The following RPS6KC1 variants were observed in gnomAD, a reference collection of about 807,000 sequenced individuals.
RPS6KC1 encodes the protein inactive ribosomal protein S6 kinase delta-1.
Under a neutral mutation model 103.8 loss-of-function variants are expected in RPS6KC1, and 54 were observed. The ratio of observed to expected loss-of-function variants is 0.52; its 90% CI spans 0.42 to 0.65. RPS6KC1 has a LOEUF of 0.65. Among genes scored for constraint, RPS6KC1 ranks in the 30% least tolerant of loss-of-function variants. RPS6KC1 has a pLI of 0.00. For missense variants in RPS6KC1, 1,151 were observed against 1,253.8 expected (o/e 0.92, Z 1.24); for synonymous variants, 439 against 438.7 (o/e 1.00, Z -0.01).
At chr1:213,732,360 C>CGT in the RPS6KC1 span, among the ~76,000 whole-genome samples, 4,961 of 150,844 alleles carry the variant, frequency 0.033, 166 homozygotes, top group East Asian at 0.08. Context: ...TGTGCGTGTG[C>CGT]GTGTGTGTGT....
chr1:213,310,191 C>G, the RPS6KC1 span, among the ~76,000 whole-genome samples: 11 of 152,344 alleles, frequency 7.2e-5, no homozygotes, highest in South Asian at 2.1e-4. Context: ...GTTGTCCACA[C>G]AGCAGTCATA....
chr1:213,121,578 T>C (rs115305168), intron 5 of RPS6KC1, among the ~76,000 whole-genome samples: 2,253 of 152,312 alleles, frequency 0.015, 51 homozygotes, highest in African/African-American at 0.047. Context: ...AGGACATTTG[T>C]AGAAACCTGC....
At position 213,204,160 on chromosome 1, in the gene RPS6KC1, C is replaced by T. The variant is rs150410456; in HGVS notation, c.1045-26337C>T. On this transcript the variant is annotated intron_variant, in intron 8 of 14. Coordinates refer to ENST00000366960, the MANE Select transcript of RPS6KC1 (RefSeq NM_012424.6). ...AGCTCTTGTAGAGCACAGACCCTATCTGCTGTGTTCATGGTTTTTCTTTAT... is the reference window on the plus strand; with the variant it reads ...AGCTCTTGTAGAGCACAGACCCTATTTGCTGTGTTCATGGTTTTTCTTTAT... 8.1e-3 allele frequency among the ~76,000 whole-genome samples: 1,234 copies of T among 152,302 alleles called. 13 individuals carry two copies. The highest frequency in any genetic ancestry group is 0.013 in the Non-Finnish European group (851 of 68,016).
the RPS6KC1 span, among the ~76,000 whole-genome samples, chr1:213,298,879 C>T: frequency 6.6e-6 from 1 of 152,266 alleles, no homozygotes; most frequent in East Asian, 1.9e-4. Flanking sequence ...ACAAATTTCT[C>T]CCCTCCCCTT....
intron 6 of RPS6KC1, among the ~76,000 whole-genome samples, chr1:213,162,114 C>T (rs577889530): frequency 5.6e-4 from 85 of 152,036 alleles, no homozygotes; most frequent in African/African-American, 2.0e-3. Context: ...CTTTCTTTTT[C>T]GTTTGGTGTC....
chr1:213,110,436 G>T (rs533647695), intron 4 of RPS6KC1, among the ~76,000 whole-genome samples: 2 of 152,240 alleles, frequency 1.3e-5, no homozygotes, highest in South Asian at 4.1e-4. Flanking sequence ...TAGTAAATCT[G>T]TGGAGTCCAT....
chr1:213,806,260 A>G, the RPS6KC1 span, among the ~76,000 whole-genome samples: 5 of 152,200 alleles, frequency 3.3e-5, no homozygotes, highest in Admixed American at 2.0e-4. Context: ...TGAACCTGGG[A>G]GGCAGAGCTT....
intron 12 of RPS6KC1, among the ~76,000 whole-genome samples, chr1:213,249,766 G>A (rs1168637035): frequency 6.6e-6 from 1 of 152,164 alleles, no homozygotes; most frequent in Admixed American, 6.5e-5. Flanking sequence ...ATTATAATCG[G>A]TCAACCAGAA....
intron 12 of RPS6KC1, among the ~76,000 whole-genome samples, chr1:213,253,302 A>C (rs1218198964): frequency 2.6e-5 from 4 of 152,140 alleles, no homozygotes; most frequent in Non-Finnish European, 5.9e-5. Flanking sequence ...TAGTGGAAAA[A>C]CCAGGGAACT....
chr1:213,832,229 G>A, the RPS6KC1 span, among the ~76,000 whole-genome samples: 1 of 152,116 alleles, frequency 6.6e-6, no homozygotes, highest in Non-Finnish European at 1.5e-5. Context: ...CTTAACCTTA[G>A]GGGGAAGAAG....
chr1:213,757,866 A>G, the RPS6KC1 span, among the ~76,000 whole-genome samples: 1 of 152,152 alleles, frequency 6.6e-6, no homozygotes, highest in East Asian at 1.9e-4. Context: ...CATTCTGAAA[A>G]TCATAGGGCC....
At chr1:213,595,682 G>A in the RPS6KC1 span, among the ~76,000 whole-genome samples, 2 of 152,222 alleles carry the variant, frequency 1.3e-5, no homozygotes, top group Non-Finnish European at 2.9e-5. Context: ...CAGCAGCTCT[G>A]CTAACTTTTT....
the RPS6KC1 span, chr1:213,835,886 G>C: frequency 6.6e-6 from 1 of 152,092 alleles, no homozygotes; most frequent in African/African-American, 2.4e-5. Context: ...GTGTGGGTGT[G>C]TGTGTCTTCA....
chr1:213,787,051 C>A, the RPS6KC1 span, among the ~76,000 whole-genome samples: 1 of 152,184 alleles, frequency 6.6e-6, no homozygotes, highest in Non-Finnish European at 1.5e-5. Flanking sequence ...AAGAGATAAA[C>A]TGACAACGGC....
chr1:213,282,001 C>G, the RPS6KC1 span, among the ~76,000 whole-genome samples: 1 of 152,182 alleles, frequency 6.6e-6, no homozygotes, highest in Non-Finnish European at 1.5e-5. Context: ...CCTTTGTCTC[C>G]TTCCGTAGCT....
chr1:213,602,134 CTTTCTT>C, the RPS6KC1 span, among the ~76,000 whole-genome samples: 1 of 53,744 alleles, frequency 1.9e-5, no homozygotes, highest in African/African-American at 8.1e-5. Context: ...TTCTTTCTTT[CTTTCTT>C]TCTTTCTTTC....
chr1:213,201,234 A>G (rs1023477652), intron 8 of RPS6KC1, among the ~76,000 whole-genome samples: 3 of 152,246 alleles, frequency 2.0e-5, no homozygotes, highest in Non-Finnish European at 4.4e-5. Context: ...TGAATGGGTA[A>G]ATCAACTGTG....
chr1:213,383,544 A>G, the RPS6KC1 span, among the ~76,000 whole-genome samples: 1 of 152,164 alleles, frequency 6.6e-6, no homozygotes, highest in East Asian at 1.9e-4. Context: ...ATTAATTGGG[A>G]GGTATTATGG....
chr1:213,205,319 A>G, intron 8 of RPS6KC1: 1 of 984,876 alleles, frequency 1.0e-6, no homozygotes, highest in Non-Finnish European at 1.2e-6. Context: ...ACAGCAAGCT[A>G]GATAAAGATA....
Sources: gnomAD v4.1 joint callset for allele counts (sites outside exome capture counted in the v4.1 genomes callset) on GRCh38, gnomAD v4.1.1 for gene constraint, MANE v1.5 for transcripts, NCBI Gene and HGNC (gene_info 2026-07-23, HGNC 2026-07-21) for gene names.